The following TMEM132D variants were observed in gnomAD, a reference collection of about 807,000 sequenced individuals.
The protein encoded by TMEM132D is mature OL transmembrane protein.
Under a neutral mutation model 62.3 loss-of-function variants are expected in TMEM132D, and 21 were observed. That is an observed-to-expected ratio of 0.34 (90% CI 0.24 to 0.49). The LOEUF (loss-of-function observed/expected upper bound fraction) is 0.49, where lower values mean the gene tolerates loss of function less well. Among genes scored for constraint, TMEM132D ranks in the 20% least tolerant of loss-of-function variants. The pLI, the probability that TMEM132D is intolerant of heterozygous loss-of-function variation, is 0.99. For synonymous variants in TMEM132D, 621 were observed against 575.6 expected (o/e 1.08, Z -1.13); for missense variants, 1,346 against 1,402.8 (o/e 0.96, Z 0.65).
At chr12:129,183,147 C>T (rs116860752) in intron 5 of TMEM132D, among the ~76,000 whole-genome samples, 1 of 152,174 alleles carries the variant, frequency 6.6e-6, no homozygotes, top group East Asian at 1.9e-4. Flanking sequence ...GCGGGCCAGG[C>T]CACATGGCCA....
At chr12:129,511,803 G>A (rs1875505491) in intron 3 of TMEM132D, among the ~76,000 whole-genome samples, 1 of 152,120 alleles carries the variant, frequency 6.6e-6, no homozygotes, top group African/African-American at 2.4e-5. Context: ...TTTATATATT[G>A]TTTTCACTTT....
At chr12:129,607,943 C>A (rs1366146903) in intron 2 of TMEM132D, among the ~76,000 whole-genome samples, 2 of 152,150 alleles carry the variant, frequency 1.3e-5, no homozygotes, top group Non-Finnish European at 2.9e-5. Flanking sequence ...ACCAGATAAT[C>A]ACACTCAGCC....
At chr12:129,100,562 G>A (rs770653829) in intron 5 of TMEM132D, among the ~76,000 whole-genome samples, 16 of 152,180 alleles carry the variant, frequency 1.1e-4, no homozygotes, top group Middle Eastern at 3.2e-3. Flanking sequence ...TCTTTCCGAG[G>A]ACAAAGTTAC....
chr12:129,119,615 C>G (rs1875997990), intron 5 of TMEM132D, among the ~76,000 whole-genome samples: 1 of 152,126 alleles, frequency 6.6e-6, no homozygotes, highest in South Asian at 2.1e-4. Flanking sequence ...TAATTTGCAT[C>G]AATAATATTA....
At chr12:129,306,913 G>A (rs765923147) in intron 4 of TMEM132D, among the ~76,000 whole-genome samples, 13 of 152,182 alleles carry the variant, frequency 8.5e-5, no homozygotes, top group Non-Finnish European at 1.9e-4. Flanking sequence ...AAGGAAAAGC[G>A]GGAACATGAG....
intron 4 of TMEM132D, among the ~76,000 whole-genome samples, chr12:129,323,747 A>C (rs1868798604): frequency 6.6e-6 from 1 of 152,206 alleles, no homozygotes; most frequent in African/African-American, 2.4e-5. Flanking sequence ...TGCTGGCTTC[A>C]TTCAGGGTCA....
intron 4 of TMEM132D, chr12:129,212,430 T>C (rs1266193621): frequency 1.3e-5 from 2 of 151,732 alleles, no homozygotes; most frequent in African/African-American, 4.8e-5. Flanking sequence ...AGGAGGTGAA[T>C]GGTACGGGGA....
intron 4 of TMEM132D, chr12:129,212,155 G>A (rs1019788970): frequency 7.2e-5 from 11 of 152,122 alleles, no homozygotes; most frequent in African/African-American, 2.4e-4. Context: ...CCACTCTAAC[G>A]ATAAAAATCA....
chr12:129,674,574 C>T (rs1472438773), intron 2 of TMEM132D, among the ~76,000 whole-genome samples: 2 of 152,146 alleles, frequency 1.3e-5, no homozygotes, highest in African/African-American at 4.8e-5. Flanking sequence ...AGTCTCAAAA[C>T]AGTCACCTGG....
rs565136107 is a variant in TMEM132D at position 129,827,317 on chromosome 12, A to C, written c.79+75944T>G. On this transcript the variant is annotated intron_variant, in intron 1 of 8. Transcript: ENST00000422113. The surrounding 1 kb of genome is among the most constrained non-coding windows in gnomAD (Gnocchi z 9.7). ...TTTGCCCAACAGCACCCAGTTAACA[A>C]AGGGTCCTCTCCAGTTTCTAAGCCC... 6.6e-6 allele frequency among the ~76,000 whole-genome samples: 1 copy of C among 152,236 alleles called. No homozygotes were observed. The highest frequency in any genetic ancestry group is 6.5e-5 in the Admixed American group (1 of 15,282).
At chr12:129,183,178 G>A (rs975817273) in intron 5 of TMEM132D, among the ~76,000 whole-genome samples, 3 of 152,180 alleles carry the variant, frequency 2.0e-5, no homozygotes, top group Non-Finnish European at 2.9e-5. Flanking sequence ...CAATATAAAG[G>A]AGACTCCGGA....
At chr12:129,644,700 C>T (rs1879724820) in intron 2 of TMEM132D, among the ~76,000 whole-genome samples, 1 of 151,782 alleles carries the variant, frequency 6.6e-6, no homozygotes, top group African/African-American at 2.4e-5. Context: ...TACCCTGGGC[C>T]AGGAGCAGTG....
At position 129,579,764 on chromosome 12, in the gene TMEM132D, C is replaced by T. The variant is rs540902070; in HGVS notation, c.969-48559G>A. Among the ~76,000 whole-genome samples, 112 of 152,338 alleles carry T rather than the reference C, an allele frequency of 7.4e-4. No homozygotes were observed. In the South Asian group the frequency reaches 0.011, roughly 15 times the overall value. On this transcript the variant is annotated intron_variant, in intron 2 of 8. Coordinates refer to ENST00000422113, the MANE Select transcript of TMEM132D (RefSeq NM_133448.3). ...GGGTCTTCCTCTCCCAGTCCACTGA[C>T]TCAAATATCAATCTCCTCTGGCAAC...
intron 1 of TMEM132D, among the ~76,000 whole-genome samples, chr12:129,799,173 G>A (rs1298756609): frequency 1.3e-5 from 2 of 152,108 alleles, no homozygotes; most frequent in Non-Finnish European, 2.9e-5. Context: ...GCTGAGGCAG[G>A]AGAATCACTT....
intron 1 of TMEM132D, among the ~76,000 whole-genome samples, chr12:129,879,466 G>T (rs140749655): frequency 6.6e-6 from 1 of 152,286 alleles, no homozygotes; most frequent in East Asian, 1.9e-4. Context: ...AGCTGAAGTT[G>T]CAGAGAAACC....
At chr12:129,290,643 A>C (rs534771735) in intron 4 of TMEM132D, among the ~76,000 whole-genome samples, 1 of 152,350 alleles carries the variant, frequency 6.6e-6, no homozygotes, top group South Asian at 2.1e-4. Flanking sequence ...ATACAGTTTG[A>C]AACTGTTCAT....
intron 2 of TMEM132D, among the ~76,000 whole-genome samples, chr12:129,648,326 G>A (rs961802913): frequency 2.6e-5 from 4 of 152,144 alleles, no homozygotes; most frequent in Middle Eastern, 3.4e-3. Context: ...ATTTCATCCC[G>A]ACGTAACCAA....
chr12:129,394,369 C>T (rs1194994660), intron 3 of TMEM132D, among the ~76,000 whole-genome samples: 1 of 152,212 alleles, frequency 6.6e-6, no homozygotes, highest in Non-Finnish European at 1.5e-5. Flanking sequence ...GGAAACACTA[C>T]CCTGAAGCCC....
At chr12:129,525,564 G>T (rs538667912) in intron 3 of TMEM132D, among the ~76,000 whole-genome samples, 1 of 152,264 alleles carries the variant, frequency 6.6e-6, no homozygotes. Context: ...TAAAAATGAT[G>T]AAGAGATGGG....
Sources: gnomAD v4.1 joint callset for allele counts (sites outside exome capture counted in the v4.1 genomes callset) on GRCh38, gnomAD v4.1.1 for gene constraint, Gnocchi (gnomAD v3.1) non-coding constraint, MANE v1.5 for transcripts, NCBI Gene and HGNC (gene_info 2026-07-23, HGNC 2026-07-21) for gene names.